Variants in CDKAL1 observed in about 807,000 individuals in gnomAD.
CDKAL1 encodes the protein CDKAL1 threonylcarbamoyladenosine tRNA methylthiotransferase.
Under a neutral mutation model 68.2 loss-of-function variants are expected in CDKAL1, and 32 were observed. The observed-to-expected ratio is 0.47, with a 90% CI of 0.35 to 0.63. The LOEUF (loss-of-function observed/expected upper bound fraction) is 0.63. CDKAL1 is among the 30% of genes least tolerant of loss of function. CDKAL1 has a pLI of 0.00. For synonymous variants in CDKAL1, 234 were observed against 244.3 expected (o/e 0.96, Z 0.39); for missense variants, 606 against 696.7 (o/e 0.87, Z 1.47).
At chr6:20,852,191 T>A (rs538827590) in intron 9 of CDKAL1, among the ~76,000 whole-genome samples, 1 of 152,310 alleles carries the variant, frequency 6.6e-6, no homozygotes, top group East Asian at 1.9e-4. Flanking sequence ...TGTAAAATGC[T>A]GTATTGTGTT....
intron 6 of CDKAL1, among the ~76,000 whole-genome samples, chr6:20,740,978 G>A (rs767021759): frequency 6.6e-6 from 1 of 152,154 alleles, no homozygotes; most frequent in Non-Finnish European, 1.5e-5. Flanking sequence ...ATGGAATGTG[G>A]TAAAAACTTG....
Position 20,739,582 on chromosome 6 carries a change from C to A in CDKAL1, c.435C>A (p.Arg145=), listed in dbSNP as rs767746943. 1 of 1,612,544 alleles carries A rather than the reference C, an allele frequency of 6.2e-7. No homozygotes were observed. The highest frequency in any genetic ancestry group is 2.2e-5 in the East Asian group (1 of 44,854). Residue 145 remains arginine (R), a synonymous_variant, in exon 6 of 16, where the codon CGC becomes CGA. Transcript: ENST00000274695. ...GATGCGTTCCTCAAGCCCAGCCTCG[C>A]CAGGACTACCTTAAGGGACTGAGTA... ...LAGCVPQAQP[R]QDYLKGLSII...
At chr6:21,034,731 G>A (rs1769480596) in intron 11 of CDKAL1, among the ~76,000 whole-genome samples, 1 of 152,116 alleles carries the variant, frequency 6.6e-6, no homozygotes. Flanking sequence ...GTTTAGTACC[G>A]CTGTTTGTTC....
rs70990099 is a variant in CDKAL1 at position 21,091,857 on chromosome 6, C to CTTTTTTTTT, written c.1237-16505_1237-16497dup. 6.9e-4 allele frequency among the ~76,000 whole-genome samples: 49 copies of CTTTTTTTTT among 70,580 alleles called. 7 individuals are homozygous for CTTTTTTTTT. Among genetic ancestry groups the CTTTTTTTTT allele is most frequent in the Non-Finnish European group, 1.2e-3 (46 of 38,610 alleles). The allele number at this position is 70,580 out of a possible 152,430, so 46.3% of individuals were successfully genotyped here. ...AATGCAGCAACAGGCTCAGAACTTT[C>CTTTTTTTTT]TTTTTTTTTTTTTTTTTTTTTTTTT... On this transcript the variant is annotated intron_variant, in intron 12 of 15. Transcript: ENST00000274695.
intron 9 of CDKAL1, among the ~76,000 whole-genome samples, chr6:20,857,790 G>A (rs1759411757): frequency 6.6e-6 from 1 of 152,168 alleles, no homozygotes; most frequent in South Asian, 2.1e-4. Context: ...ATCTGGGCCA[G>A]TTTTCTCTCT....
At chr6:21,166,578 G>A (rs922128272) in intron 13 of CDKAL1, among the ~76,000 whole-genome samples, 1 of 152,100 alleles carries the variant, frequency 6.6e-6, no homozygotes, top group African/African-American at 2.4e-5. Flanking sequence ...CAGGTCCTTT[G>A]ACATGCTAGC....
At chr6:20,588,484 A>G (rs1214101108) in intron 4 of CDKAL1, among the ~76,000 whole-genome samples, 1 of 152,238 alleles carries the variant, frequency 6.6e-6, no homozygotes, top group Non-Finnish European at 1.5e-5. Context: ...AACAGCTTTA[A>G]AAATCTTCTT....
chr6:20,923,224 A>G (rs1042285705), intron 9 of CDKAL1, among the ~76,000 whole-genome samples: 2 of 152,108 alleles, frequency 1.3e-5, no homozygotes, highest in South Asian at 2.1e-4. Context: ...CCCAGCCTAC[A>G]TATAACTCTT....
chr6:21,201,274 G>A lies in CDKAL1; in HGVS notation c.1548G>A (p.Lys516=). 1 of 1,602,406 alleles carries A rather than the reference G, an allele frequency of 6.2e-7. No homozygotes were observed. The highest frequency in any genetic ancestry group is 8.5e-7 in the Non-Finnish European group (1 of 1,170,506). Residue 516 remains lysine, a splice_region_variant and synonymous_variant, in exon 15 of 16, where the codon AAG becomes AAA. Transcript: ENST00000274695. ...LAKGEVSGLT[K]DFRNGLGNQL... ...AGGGAGAAGTCTCGGGTTTGACAAA[G>A]GTAAGTAAAAGATGCTCTCCTCTCT...
At chr6:20,852,861 G>A (rs2150507315) in intron 9 of CDKAL1, among the ~76,000 whole-genome samples, 1 of 152,280 alleles carries the variant, frequency 6.6e-6, no homozygotes, top group Non-Finnish European at 1.5e-5. Context: ...AGAACTTTGA[G>A]GATTCAGCCA....
At chr6:21,038,331 A>G (rs1769705243) in intron 11 of CDKAL1, among the ~76,000 whole-genome samples, 1 of 152,196 alleles carries the variant, frequency 6.6e-6, no homozygotes, top group Non-Finnish European at 1.5e-5. Flanking sequence ...TTGAAGCTCA[A>G]TGGTGCTGAA....
At chr6:20,808,723 G>A (rs1394973027) in intron 8 of CDKAL1, among the ~76,000 whole-genome samples, 1 of 152,056 alleles carries the variant, frequency 6.6e-6, no homozygotes, top group Non-Finnish European at 1.5e-5. Flanking sequence ...TGTATTATTA[G>A]TATGAGGTAG....
chr6:20,780,035 GCC>G (rs1775346753), intron 7 of CDKAL1, among the ~76,000 whole-genome samples: 1 of 149,060 alleles, frequency 6.7e-6, no homozygotes, highest in Admixed American at 6.8e-5. Flanking sequence ...GACTGCTTGA[GCC>G]CAGGAGTTTG....
intron 4 of CDKAL1, among the ~76,000 whole-genome samples, chr6:20,614,286 T>A (rs921313500): frequency 6.6e-6 from 1 of 152,184 alleles, no homozygotes; most frequent in Non-Finnish European, 1.5e-5. Context: ...TGTTTTCTTT[T>A]ACTCCAAGGT....
At chr6:20,931,130 C>A (rs775552182) in intron 9 of CDKAL1, among the ~76,000 whole-genome samples, 3 of 152,198 alleles carry the variant, frequency 2.0e-5, no homozygotes, top group Non-Finnish European at 4.4e-5. Context: ...AACAGTAGAA[C>A]CAGAATTCTA....
intron 15 of CDKAL1, among the ~76,000 whole-genome samples, chr6:21,202,017 T>C (rs945677584): frequency 1.3e-5 from 2 of 152,226 alleles, no homozygotes; most frequent in Non-Finnish European, 2.9e-5. Flanking sequence ...GATATTTATC[T>C]GGCCATGTAA....
At chr6:21,120,140 T>C (rs942909146) in intron 13 of CDKAL1, among the ~76,000 whole-genome samples, 1 of 152,240 alleles carries the variant, frequency 6.6e-6, no homozygotes, top group African/African-American at 2.4e-5. Context: ...TTAACAAACA[T>C]TTGAGGTTTT....
rs544265638 is a variant in CDKAL1 at position 21,102,800 on chromosome 6, C to T, written c.1237-5601C>T. On this transcript the variant is annotated intron_variant, in intron 12 of 15. Coordinates refer to ENST00000274695, the MANE Select transcript of CDKAL1 (RefSeq NM_017774.3). ...TTGCCTCAGGCACTCCTGCGTGACT[C>T]TATTCTGAACCTGATTGTCCAGTTC... 3.9e-5 allele frequency among the ~76,000 whole-genome samples: 6 copies of T among 152,324 alleles called. No individual in the cohort carries two copies. The East Asian group carries it at 1.2e-3, about 29-fold the overall frequency.
intron 5 of CDKAL1, among the ~76,000 whole-genome samples, chr6:20,696,704 A>G (rs1279153564): frequency 6.6e-6 from 1 of 152,256 alleles, no homozygotes; most frequent in African/African-American, 2.4e-5. Flanking sequence ...GTAGTATGGT[A>G]GAATAAGAAT....
Sources: allele counts gnomAD v4.1 joint callset (sites outside exome capture counted in the v4.1 genomes callset), GRCh38; gene constraint gnomAD v4.1.1; transcripts MANE v1.5; gene names NCBI Gene and HGNC (gene_info 2026-07-23, HGNC 2026-07-21).